The following PRKCZ variants were observed in gnomAD, a reference collection of about 807,000 sequenced individuals.
PRKCZ encodes protein kinase C zeta.
In PRKCZ, 33 loss-of-function variants were observed where a neutral mutation model predicts 79.5. The ratio of observed to expected loss-of-function variants is 0.41; its 90% CI spans 0.31 to 0.55. PRKCZ has a LOEUF of 0.55. Ranked by LOEUF, PRKCZ falls within the 20% of genes least tolerant of loss-of-function variation. PRKCZ has a pLI of 0.19. For missense variants in PRKCZ, 578 were observed against 813.5 expected (o/e 0.71, Z 3.52); for synonymous variants, 342 against 320.9 (o/e 1.07, Z -0.70).
chr1:2,152,378 C>T (rs1375137771), intron 9 of PRKCZ, among the ~76,000 whole-genome samples: 2 of 151,934 alleles, frequency 1.3e-5, no homozygotes, highest in African/African-American at 4.8e-5. Flanking sequence ...ACTAAAAATA[C>T]AAAAATTAGC....
Position 2,088,290 on chromosome 1 carries a change from G to C in PRKCZ, c.334+28699G>C, listed in dbSNP as rs555389875. Among the ~76,000 whole-genome samples, 99 of 152,132 alleles carry C rather than the reference G, an allele frequency of 6.5e-4. 1 individual carries two copies. The highest frequency in any genetic ancestry group is 2.3e-3 in the African/African-American group (95 of 41,510). On this transcript the variant is annotated intron_variant, in intron 4 of 17. Transcript: ENST00000378567. Reference sequence around the variant, plus strand: ...CTGCTCCCTCCCCCTTGCCTGGATGGTGCGCCCCATGGGGTCTGCACGCCC... The same window carrying C: ...CTGCTCCCTCCCCCTTGCCTGGATGCTGCGCCCCATGGGGTCTGCACGCCC...
At chr1:2,155,132 A>G (rs1680686151) in intron 9 of PRKCZ, among the ~76,000 whole-genome samples, 1 of 151,902 alleles carries the variant, frequency 6.6e-6, no homozygotes. Context: ...AATGATGGTG[A>G]CGATGATGGT....
At chr1:2,098,698 T>TTTTC (rs1666951960) in intron 4 of PRKCZ, 1 of 147,188 alleles carries the variant, frequency 6.8e-6, no homozygotes, top group African/African-American at 2.6e-5. Context: ...GTTTTGTTTT[T>TTTTC]TTAGACAGAG....
At chr1:2,153,194 C>T (rs1680246861) in intron 9 of PRKCZ, among the ~76,000 whole-genome samples, 1 of 152,252 alleles carries the variant, frequency 6.6e-6, no homozygotes, top group African/African-American at 2.4e-5. Context: ...CTTTGACTCC[C>T]ATGTCTCTGA....
At chr1:2,175,412 C>T (rs1285825484) in intron 16 of PRKCZ, 99 bp downstream of exon 16, 2 of 921,272 alleles carry the variant, frequency 2.2e-6, no homozygotes, top group Non-Finnish European at 3.2e-6. Context: ...CACCCAACCC[C>T]CACCCCACCC....
intron 4 of PRKCZ, among the ~76,000 whole-genome samples, chr1:2,110,217 C>A (rs1249288141): frequency 1.4e-5 from 2 of 148,096 alleles, no homozygotes; most frequent in Non-Finnish European, 3.0e-5. Context: ...GAATCCGGGG[C>A]CCTCCCTGGG....
At chr1:2,117,400 T>C (rs1394229520) in intron 4 of PRKCZ, among the ~76,000 whole-genome samples, 2 of 152,046 alleles carry the variant, frequency 1.3e-5, no homozygotes, top group South Asian at 4.2e-4. Context: ...TTTATAGCAA[T>C]GTGTAAAGAA....
intron 5 of PRKCZ, 41 bp from the exon 6 acceptor site, chr1:2,144,169 C>G (rs1427227128): frequency 2.6e-6 from 4 of 1,545,276 alleles, no homozygotes; most frequent in Non-Finnish European, 2.6e-6. Context: ...CCGCTGGCCC[C>G]TCAGTGTGGC....
rs986104379 is a variant in PRKCZ at position 2,082,665 on chromosome 1, C to T, written c.334+23074C>T. Reference sequence around the variant, plus strand: ...AGGTGGAGTTGGGCAAGGGCGTACACGGTCGGCTTCTGAGAGTTGGTCCCC... The same window carrying T: ...AGGTGGAGTTGGGCAAGGGCGTACATGGTCGGCTTCTGAGAGTTGGTCCCC... On this transcript the variant is annotated intron_variant, in intron 4 of 17. Transcript: ENST00000378567. This position sits in a 1 kb window ranked among gnomAD's most constrained non-coding sequence, Gnocchi z 4.4. Among the ~76,000 whole-genome samples the T allele has an allele frequency of 1.3e-5, 2 of 152,164 alleles. No homozygotes were observed.
intron 16 of PRKCZ, among the ~76,000 whole-genome samples, chr1:2,176,827 G>A (rs1210931595): frequency 6.6e-6 from 1 of 152,220 alleles, no homozygotes; most frequent in Non-Finnish European, 1.5e-5. Context: ...GGAGTGAAGT[G>A]GTCAGAACGT....
At chr1:2,164,360 A>T (rs1446625228) in intron 10 of PRKCZ, among the ~76,000 whole-genome samples, 1 of 152,260 alleles carries the variant, frequency 6.6e-6, no homozygotes, top group South Asian at 2.1e-4. Flanking sequence ...GTTTTAACTG[A>T]TGGACTTAAA....
At chr1:2,078,745 A>G (rs973530825) in intron 4 of PRKCZ, among the ~76,000 whole-genome samples, 1 of 151,924 alleles carries the variant, frequency 6.6e-6, no homozygotes, top group Non-Finnish European at 1.5e-5. Context: ...ATATGCTAGG[A>G]GACATCTTCA....
intron 4 of PRKCZ, among the ~76,000 whole-genome samples, chr1:2,115,078 C>T (rs912306636): frequency 3.9e-5 from 6 of 152,386 alleles, no homozygotes; most frequent in African/African-American, 1.4e-4. Flanking sequence ...GTAACCTACC[C>T]GTCCCCGGCC....
At chr1:2,054,075 G>C (rs191726616) in intron 1 of PRKCZ, among the ~76,000 whole-genome samples, 2 of 152,174 alleles carry the variant, frequency 1.3e-5, no homozygotes, top group African/African-American at 4.8e-5. Flanking sequence ...GCTGTGGACC[G>C]ATCCTGTGTT....
intron 1 of PRKCZ, 143 bp from the exon 2 acceptor site, chr1:2,055,297 GA>G (rs35052584): frequency 0.16 from 154,680 of 995,504 alleles, 15,049 homozygotes; most frequent in African/African-American, 0.47. Flanking sequence ...TTGTGTGTGG[GA>G]GGGGGGAGGG....
At chr1:2,129,783 G>A (rs1392100147) in intron 4 of PRKCZ, among the ~76,000 whole-genome samples, 2 of 152,200 alleles carry the variant, frequency 1.3e-5, no homozygotes, top group African/African-American at 4.8e-5. Flanking sequence ...AGGCGAGTAG[G>A]GACCAGGCAG....
chr1:2,164,813 G>A (rs561536482), intron 10 of PRKCZ, among the ~76,000 whole-genome samples: 2 of 152,168 alleles, frequency 1.3e-5, no homozygotes, highest in East Asian at 1.9e-4. Context: ...CAGCTGCCTC[G>A]CTCCGCCCTG....
At chr1:2,086,235 T>G (rs1271102185) in intron 4 of PRKCZ, among the ~76,000 whole-genome samples, 7 of 151,856 alleles carry the variant, frequency 4.6e-5, no homozygotes, top group Admixed American at 4.6e-4. Context: ...CTAATTTTTG[T>G]GTTTTGATAG....
intron 4 of PRKCZ, among the ~76,000 whole-genome samples, chr1:2,097,884 G>A (rs1272523419): frequency 1.3e-5 from 2 of 152,268 alleles, no homozygotes; most frequent in African/African-American, 4.8e-5. Flanking sequence ...GAACGAGGGA[G>A]GTGGAGGTCT....
Sources: allele counts gnomAD v4.1 joint callset (sites outside exome capture counted in the v4.1 genomes callset), GRCh38; gene constraint gnomAD v4.1.1; non-coding constraint Gnocchi (gnomAD v3.1); transcripts MANE v1.5; gene names NCBI Gene and HGNC (gene_info 2026-07-23, HGNC 2026-07-21).